SRD5A2: variants seen among roughly 807,000 people sequenced by gnomAD.
SRD5A2 encodes the protein 3-oxo-5-alpha-steroid 4-dehydrogenase 2.
Under a neutral mutation model 27.4 loss-of-function variants are expected in SRD5A2, and 30 were observed. That is an observed-to-expected ratio of 1.10 (90% confidence interval 0.82 to 1.49). The LOEUF (loss-of-function observed/expected upper bound fraction) is 1.49, where lower values mean the gene tolerates loss of function less well. Among genes scored for constraint, SRD5A2 ranks in the 40% most tolerant of loss-of-function variants. SRD5A2 has a pLI of 0.00. For missense variants in SRD5A2, 348 were observed against 323.4 expected, an observed-to-expected ratio of 1.08 and a Z score of -0.58; for synonymous variants, 141 against 133.6, an observed-to-expected ratio of 1.06 and a Z score of -0.38.
the SRD5A2 span, among the ~76,000 whole-genome samples, chr2:31,647,222 G>A: frequency 6.6e-6 from 1 of 152,080 alleles, no homozygotes; most frequent in Non-Finnish European, 1.5e-5. Context: ...ATAGAACAGT[G>A]CTTTTCACAC....
At chr2:31,631,104 T>C in the SRD5A2 span, among the ~76,000 whole-genome samples, 11 of 152,236 alleles carry the variant, frequency 7.2e-5, no homozygotes, top group Admixed American at 1.3e-4. Context: ...CTATACCTTC[T>C]CTGAAATGAA....
the SRD5A2 span, among the ~76,000 whole-genome samples, chr2:31,591,276 G>A: frequency 6.6e-6 from 1 of 152,184 alleles, no homozygotes; most frequent in African/African-American, 2.4e-5. Context: ...AGTGGGTGAA[G>A]GACATGAACA....
At chr2:31,617,943 T>G in the SRD5A2 span, among the ~76,000 whole-genome samples, 8 of 152,322 alleles carry the variant, frequency 5.3e-5, no homozygotes, top group African/African-American at 1.9e-4. Context: ...GAGTATCTTA[T>G]CAGCAGCACC....
At chr2:31,548,538 T>G (rs1245374439) in intron 1 of SRD5A2, among the ~76,000 whole-genome samples, 2 of 152,138 alleles carry the variant, frequency 1.3e-5, no homozygotes, top group East Asian at 3.9e-4. Context: ...AGATACCATC[T>G]CCAACCAAAC....
intron 1 of SRD5A2, among the ~76,000 whole-genome samples, chr2:31,564,029 T>C (rs1348036738): frequency 6.6e-6 from 1 of 152,046 alleles, no homozygotes; most frequent in Non-Finnish European, 1.5e-5. Flanking sequence ...TACAATTTTC[T>C]GACCCTCCAA....
the SRD5A2 span, among the ~76,000 whole-genome samples, chr2:31,598,415 G>A: frequency 6.6e-6 from 1 of 151,370 alleles, no homozygotes; most frequent in African/African-American, 2.4e-5. Context: ...TCCATGTAAT[G>A]AAACACCACC....
At chr2:31,621,744 G>T in the SRD5A2 span, among the ~76,000 whole-genome samples, 1 of 152,120 alleles carries the variant, frequency 6.6e-6, no homozygotes. Context: ...CCATCTGCCT[G>T]CCTCAGCCTC....
chr2:31,550,305 C>T (rs1253078255), intron 1 of SRD5A2, among the ~76,000 whole-genome samples: 1 of 151,468 alleles, frequency 6.6e-6, no homozygotes, highest in Non-Finnish European at 1.5e-5. Context: ...TTCTACCAAA[C>T]ATTTAAGTAA....
chr2:31,580,626 A>G lies in SRD5A2; in HGVS notation c.275T>C (p.Phe92Ser). The part of the protein sequence containing the change: ...VLLGLFCLHY[F>S]HRTFVYSLLN... ...CGCAAGGGAAAAACGCTACCTGTGGAAGTAATGTAGGCAGAAGAGGCCCAG... is the reference window on the plus strand; with the variant it reads ...CGCAAGGGAAAAACGCTACCTGTGGGAGTAATGTAGGCAGAAGAGGCCCAG... The change falls in exon 1 of 5, where the codon TTC becomes TCC. Residue 92 changes from phenylalanine (F) to serine (S), a missense_variant. Transcript: ENST00000622030. 1 of 1,562,496 alleles carries G rather than the reference A, an allele frequency of 6.4e-7. No individual in the cohort carries two copies. Among genetic ancestry groups the G allele is most frequent in the Non-Finnish European group, 8.6e-7 (1 of 1,159,578 alleles).
the SRD5A2 span, among the ~76,000 whole-genome samples, chr2:31,660,163 G>A: frequency 6.6e-6 from 1 of 151,828 alleles, no homozygotes; most frequent in Admixed American, 6.6e-5. Context: ...TGTTGAAATG[G>A]AAGTCAGACA....
the SRD5A2 span, among the ~76,000 whole-genome samples, chr2:31,592,089 T>TAA: frequency 7.3e-6 from 1 of 136,240 alleles, no homozygotes; most frequent in African/African-American, 2.7e-5. Context: ...AAGTATAATT[T>TAA]AAAAAAAAAC....
chr2:31,599,526 C>A, the SRD5A2 span, among the ~76,000 whole-genome samples: 1 of 151,768 alleles, frequency 6.6e-6, no homozygotes, highest in African/African-American at 2.4e-5. Context: ...TATACAAATA[C>A]GTGGAAATTA....
chr2:31,586,688 G>T, the SRD5A2 span, among the ~76,000 whole-genome samples: 1 of 152,160 alleles, frequency 6.6e-6, no homozygotes, highest in African/African-American at 2.4e-5. Context: ...GCATTACTGG[G>T]ATTGTGGTAC....
chr2:31,641,414 A>G, the SRD5A2 span, among the ~76,000 whole-genome samples: 3 of 152,146 alleles, frequency 2.0e-5, no homozygotes, highest in African/African-American at 7.2e-5. Context: ...ATGAGGGTAA[A>G]ATAATTTTTC....
intron 1 of SRD5A2, among the ~76,000 whole-genome samples, chr2:31,572,316 G>A (rs1231554269): frequency 6.6e-6 from 1 of 152,176 alleles, no homozygotes; most frequent in Non-Finnish European, 1.5e-5. Flanking sequence ...GTGGAGGATG[G>A]AAGGAGGGTG....
At chr2:31,569,055 G>A (rs1320717985) in intron 1 of SRD5A2, among the ~76,000 whole-genome samples, 2 of 152,318 alleles carry the variant, frequency 1.3e-5, no homozygotes, top group Non-Finnish European at 1.5e-5. Flanking sequence ...CGGGTCCAGA[G>A]CCATGGCTGG....
intron 1 of SRD5A2, among the ~76,000 whole-genome samples, chr2:31,555,526 A>G (rs1666477313): frequency 6.6e-6 from 1 of 152,172 alleles, no homozygotes; most frequent in Non-Finnish European, 1.5e-5. Flanking sequence ...TGTAGGTCTT[A>G]GTACAGTTGT....
At chr2:31,634,249 G>C in the SRD5A2 span, among the ~76,000 whole-genome samples, 2 of 152,064 alleles carry the variant, frequency 1.3e-5, no homozygotes, top group Non-Finnish European at 2.9e-5. Context: ...AGACTGGACA[G>C]TTTTAAGAAA....
At chr2:31,542,793 A>G (rs537202337) in intron 1 of SRD5A2, among the ~76,000 whole-genome samples, 2 of 152,244 alleles carry the variant, frequency 1.3e-5, no homozygotes, top group African/African-American at 4.8e-5. Flanking sequence ...AGCCCAAGAG[A>G]CCTGTGAGAC....
Sources: gnomAD v4.1 joint callset for allele counts (sites outside exome capture counted in the v4.1 genomes callset) on GRCh38, gnomAD v4.1.1 for gene constraint, MANE v1.5 for transcripts, NCBI Gene and HGNC (gene_info 2026-07-23, HGNC 2026-07-21) for gene names.